The following EVI5 variants were observed in gnomAD, a reference collection of about 807,000 sequenced individuals.
The protein encoded by EVI5 is ecotropic viral integration site 5 protein homolog.
EVI5 carries 73 observed loss-of-function variants against 112.0 expected under a neutral mutation model. The ratio of observed to expected loss-of-function variants is 0.65; its 90% CI spans 0.54 to 0.79. The LOEUF (loss-of-function observed/expected upper bound fraction) is 0.79, where lower values mean the gene tolerates loss of function less well. EVI5 is among the 30% of genes least tolerant of loss of function. EVI5 has a pLI of 0.00. For synonymous variants in EVI5, 305 were observed against 319.9 expected (o/e 0.95, Z 0.50); for missense variants, 900 against 968.8 (o/e 0.93, Z 0.94).
intron 12 of EVI5, 132 bp from the exon 13 acceptor site, chr1:92,662,997 T>G: frequency 2.7e-6 from 1 of 374,170 alleles, no homozygotes; most frequent in Non-Finnish European, 4.1e-6. Context: ...TAGAACAGCC[T>G]ACGTAATCAT....
Position 92,624,321 on chromosome 1 carries a change from C to A in EVI5, c.1682G>T (p.Arg561Leu), listed in dbSNP as rs201423013. The A allele has an allele frequency of 6.2e-7, 1 of 1,613,012 alleles. No individual in the cohort carries two copies. Among genetic ancestry groups the A allele is most frequent in the South Asian group, 1.1e-5 (1 of 91,030 alleles). Residue 561 changes from arginine to leucine, a missense_variant, in exon 16 of 20, where the codon CGT becomes CTT. Transcript: ENST00000684568. The part of the protein sequence containing the change: ...LEEHWQRHLA[R>L]TTGRWKDPPK... Reference sequence around the variant, plus strand: ...TGGGTCTTTCCATCTCCCAGTAGTACGAGCTAAGTGGCGCTAAAGCATAAA... The same window carrying A: ...TGGGTCTTTCCATCTCCCAGTAGTAAGAGCTAAGTGGCGCTAAAGCATAAA...
chr1:92,666,297 C>T (rs1047955566), intron 10 of EVI5, among the ~76,000 whole-genome samples: 2 of 151,776 alleles, frequency 1.3e-5, no homozygotes, highest in African/African-American at 4.8e-5. Flanking sequence ...TACACACACA[C>T]ACAATTTAGC....
chr1:92,789,789 C>T (rs1460871003), upstream of EVI5, among the ~76,000 whole-genome samples: 2 of 152,128 alleles, frequency 1.3e-5, no homozygotes, highest in Admixed American at 1.3e-4. Context: ...CATGTTAGCT[C>T]CATTGTTCAC....
intron 1 of EVI5, among the ~76,000 whole-genome samples, chr1:92,753,180 A>G (rs6683733): frequency 2.6e-5 from 4 of 152,114 alleles, no homozygotes; most frequent in Non-Finnish European, 4.4e-5. Context: ...GAAGAACTGA[A>G]TATTTTGATG....
intron 1 of EVI5, among the ~76,000 whole-genome samples, chr1:92,774,479 C>CA (rs1285916377): frequency 6.6e-6 from 1 of 152,212 alleles, no homozygotes. Context: ...CCAACTCAGA[C>CA]AAAATCCCCA....
chr1:92,662,450 A>T (rs1338889308), intron 13 of EVI5, among the ~76,000 whole-genome samples: 1 of 152,226 alleles, frequency 6.6e-6, no homozygotes, highest in Non-Finnish European at 1.5e-5. Context: ...TACACTGCTT[A>T]TTTCCCATTA....
Position 92,513,755 on chromosome 1 carries a change from G to A in EVI5, c.2382C>T (p.Ser794=), listed in dbSNP as rs202155652. ...TCTCCAGCACACTGTCTTCTGTTTCGCTCTCACTACCATCTGCCACTGCGG... is the reference window on the plus strand; with the variant it reads ...TCTCCAGCACACTGTCTTCTGTTTCACTCTCACTACCATCTGCCACTGCGG... ...LDPAVADGSE[S]ETEDSVLETR... The change falls in exon 20 of 20, where the codon AGC becomes AGT. Residue 794 remains serine, a synonymous_variant. Coordinates refer to ENST00000684568, the MANE Select transcript of EVI5 (RefSeq NM_001350197.2). 8.7e-6 allele frequency: 14 copies of A among 1,613,032 alleles called. No individual in the cohort carries two copies. Among genetic ancestry groups the A allele is most frequent in the Non-Finnish European group, 1.2e-5 (14 of 1,179,764 alleles).
intron 1 of EVI5, among the ~76,000 whole-genome samples, chr1:92,771,737 A>G (rs1409509932): frequency 2.0e-5 from 3 of 151,786 alleles, no homozygotes; most frequent in Non-Finnish European, 4.4e-5. Flanking sequence ...CCTCCCAAGT[A>G]GCTGGGATTA....
chr1:92,658,208 A>T (rs1663343560), intron 13 of EVI5, among the ~76,000 whole-genome samples: 1 of 152,228 alleles, frequency 6.6e-6, no homozygotes, highest in Non-Finnish European at 1.5e-5. Flanking sequence ...CACCACTCTT[A>T]TTCAACATAG....
At chr1:92,655,734 T>C (rs190523781) in intron 13 of EVI5, among the ~76,000 whole-genome samples, 1 of 152,120 alleles carries the variant, frequency 6.6e-6, no homozygotes, top group Admixed American at 6.5e-5. Context: ...ACAAGGAAGG[T>C]CATTTTAAAA....
chr1:92,593,414 G>C (rs189861232), intron 18 of EVI5, among the ~76,000 whole-genome samples: 5 of 152,116 alleles, frequency 3.3e-5, no homozygotes, highest in African/African-American at 1.2e-4. Flanking sequence ...TTGATGGGAC[G>C]TATCTCAAAA....
Position 92,625,785 on chromosome 1 carries a change from T to C in EVI5, c.1668+9A>G, listed in dbSNP as rs1459927030. ...CTTTTAAAAAAGCACACAAAATATA[T>C]TAATATACCTGCCAGTGTTCCTCTA... On this transcript the variant is annotated intron_variant, in intron 15 of 19. Coordinates refer to ENST00000684568, the MANE Select transcript of EVI5 (RefSeq NM_001350197.2). 2.5e-6 allele frequency: 4 copies of C among 1,608,486 alleles called. No individual in the cohort carries two copies. The East Asian group carries it at 6.7e-5, about 27-fold the overall frequency.
intron 1 of EVI5, among the ~76,000 whole-genome samples, chr1:92,782,912 C>A (rs2103113405): frequency 6.6e-6 from 1 of 152,216 alleles, no homozygotes; most frequent in East Asian, 1.9e-4. Flanking sequence ...TTCGACCTCC[C>A]CGGCTTTGGT....
intron 19 of EVI5, among the ~76,000 whole-genome samples, chr1:92,519,376 A>AC (rs1382732653): frequency 6.6e-6 from 1 of 152,142 alleles, no homozygotes; most frequent in Admixed American, 6.5e-5. Flanking sequence ...TTCATAGAAC[A>AC]CCTAAATTGT....
At chr1:92,756,448 T>C (rs1680966378) in intron 1 of EVI5, 1 of 539,948 alleles carries the variant, frequency 1.9e-6, no homozygotes, top group Non-Finnish European at 3.8e-6. Flanking sequence ...CTTCGAGGAT[T>C]ATACTTCGTC....
At chr1:92,518,793 A>T (rs763396039) in intron 19 of EVI5, among the ~76,000 whole-genome samples, 8 of 152,226 alleles carry the variant, frequency 5.3e-5, no homozygotes, top group Non-Finnish European at 8.8e-5. Flanking sequence ...GTGAAGTTTC[A>T]GGACACTTGA....
intron 2 of EVI5, among the ~76,000 whole-genome samples, chr1:92,725,354 G>A (rs1013652622): frequency 6.6e-6 from 1 of 152,108 alleles, no homozygotes; most frequent in Non-Finnish European, 1.5e-5. Context: ...CAGTAGGGGG[G>A]AATAATAGTC....
intron 19 of EVI5, among the ~76,000 whole-genome samples, chr1:92,518,914 T>C (rs943460018): frequency 3.9e-5 from 6 of 152,176 alleles, no homozygotes; most frequent in Non-Finnish European, 7.3e-5. Flanking sequence ...GAGCAGTGCC[T>C]TCAAAATTCT....
At chr1:92,757,730 C>T (rs578231563) in intron 1 of EVI5, among the ~76,000 whole-genome samples, 311 of 151,684 alleles carry the variant, frequency 2.1e-3, no homozygotes, top group African/African-American at 7.1e-3. Context: ...GACAAAACCC[C>T]GTCTCTATTA....
Sources: allele counts gnomAD v4.1 joint callset (sites outside exome capture counted in the v4.1 genomes callset), GRCh38; gene constraint gnomAD v4.1.1; transcripts MANE v1.5; gene names NCBI Gene and HGNC (gene_info 2026-07-23, HGNC 2026-07-21).